The following SLC24A3 variants were observed in gnomAD, a reference collection of about 807,000 sequenced individuals.
The protein encoded by SLC24A3 is sodium/potassium/calcium exchanger 3.
Under a neutral mutation model 75.8 loss-of-function variants are expected in SLC24A3, and 28 were observed. The observed-to-expected ratio is 0.37, with a 90% CI of 0.27 to 0.51. The LOEUF (loss-of-function observed/expected upper bound fraction) is 0.51, where lower values mean the gene tolerates loss of function less well. SLC24A3 is among the 20% of genes least tolerant of loss of function. SLC24A3 has a pLI of 0.94. For synonymous variants in SLC24A3, 372 were observed against 334.1 expected (o/e 1.11, Z -1.24); for missense variants, 663 against 847.8 (o/e 0.78, Z 2.71).
intron 2 of SLC24A3, among the ~76,000 whole-genome samples, chr20:19,475,367 C>G (rs1050674059): frequency 6.6e-6 from 1 of 151,822 alleles, no homozygotes; most frequent in Admixed American, 6.6e-5. Context: ...ACATCCAAGG[C>G]AGAGAATGGC....
intron 2 of SLC24A3, among the ~76,000 whole-genome samples, chr20:19,328,647 G>A (rs1251560602): frequency 1.3e-5 from 2 of 152,166 alleles, no homozygotes; most frequent in Non-Finnish European, 2.9e-5. Flanking sequence ...GGGGCGGGTG[G>A]AGTGAGCTTC....
intron 2 of SLC24A3, among the ~76,000 whole-genome samples, chr20:19,314,537 A>G (rs1568586697): frequency 6.6e-6 from 1 of 151,572 alleles, no homozygotes; most frequent in Non-Finnish European, 1.5e-5. Flanking sequence ...CTGTTCTCAT[A>G]CTCTCGGGCT....
intron 10 of SLC24A3, 24 bp from the exon 11 acceptor site, chr20:19,684,152 A>G (rs951489910): frequency 6.2e-7 from 1 of 1,609,416 alleles, no homozygotes; most frequent in Non-Finnish European, 8.5e-7. Flanking sequence ...ATGTTATTTT[A>G]CCTTATGTTT....
At chr20:19,241,925 C>A (rs1277569445) in intron 1 of SLC24A3, among the ~76,000 whole-genome samples, 1 of 152,176 alleles carries the variant, frequency 6.6e-6, no homozygotes, top group African/African-American at 2.4e-5. Flanking sequence ...TGTAGAAATG[C>A]TGAATAATAA....
At chr20:19,507,966 C>T (rs1438703513) in intron 2 of SLC24A3, among the ~76,000 whole-genome samples, 2 of 152,146 alleles carry the variant, frequency 1.3e-5, no homozygotes, top group East Asian at 3.9e-4. Context: ...GGCTCCTGTC[C>T]TCAGGGAGCT....
At chr20:19,673,513 G>A (rs1052047536) in intron 8 of SLC24A3, 88 bp from the exon 9 acceptor site, 50 of 1,154,158 alleles carry the variant, frequency 4.3e-5, no homozygotes, top group East Asian at 3.0e-4. Flanking sequence ...TATCCTGGCC[G>A]TTTGCATCAA....
intron 2 of SLC24A3, among the ~76,000 whole-genome samples, chr20:19,295,122 C>T (rs998926008): frequency 5.9e-5 from 9 of 152,212 alleles, no homozygotes; most frequent in East Asian, 1.9e-4. Context: ...AGTGTCTGTT[C>T]GTGTCCCTTG....
chr20:19,707,156 A>G (rs1234648657), intron 15 of SLC24A3, among the ~76,000 whole-genome samples: 2 of 152,252 alleles, frequency 1.3e-5, no homozygotes, highest in Non-Finnish European at 1.5e-5. Flanking sequence ...ATTCAGGCTC[A>G]TATCAGGTCA....
intron 15 of SLC24A3, among the ~76,000 whole-genome samples, chr20:19,701,146 G>A (rs892648887): frequency 6.6e-6 from 1 of 152,040 alleles, no homozygotes; most frequent in Non-Finnish European, 1.5e-5. Flanking sequence ...TCTTCTTCAT[G>A]GCACACAGTA....
At chr20:19,600,172 C>T (rs924206539) in intron 6 of SLC24A3, among the ~76,000 whole-genome samples, 1 of 152,062 alleles carries the variant, frequency 6.6e-6, no homozygotes, top group African/African-American at 2.4e-5. Flanking sequence ...GATCTCCCAG[C>T]GCTCCCAGCC....
intron 2 of SLC24A3, among the ~76,000 whole-genome samples, chr20:19,354,570 T>C (rs1985638222): frequency 6.6e-6 from 1 of 150,928 alleles, no homozygotes; most frequent in Non-Finnish European, 1.5e-5. Context: ...AATGGTGGAC[T>C]TCATAAAAAA....
intron 3 of SLC24A3, among the ~76,000 whole-genome samples, chr20:19,531,852 C>T (rs561593419): frequency 1.3e-5 from 2 of 152,132 alleles, no homozygotes; most frequent in Non-Finnish European, 2.9e-5. Flanking sequence ...CAACACGTGG[C>T]TGTTCTGATG....
intron 2 of SLC24A3, among the ~76,000 whole-genome samples, chr20:19,346,383 G>GGT (rs1568595983): frequency 3.9e-5 from 5 of 127,444 alleles, no homozygotes; most frequent in East Asian, 5.5e-4. Flanking sequence ...GTATATATAT[G>GGT]GTATATATAT....
intron 3 of SLC24A3, among the ~76,000 whole-genome samples, chr20:19,529,753 C>A (rs2030263014): frequency 4.6e-5 from 7 of 152,154 alleles, no homozygotes; most frequent in Admixed American, 4.6e-4. Context: ...GGGTACAGCC[C>A]CTTTCTTTGA....
chr20:19,480,698 C>G (rs1057367462), intron 2 of SLC24A3, among the ~76,000 whole-genome samples: 1 of 151,728 alleles, frequency 6.6e-6, no homozygotes, highest in African/African-American at 2.4e-5. Context: ...GAGGGCAACT[C>G]TGTGTGCTGA....
intron 3 of SLC24A3, among the ~76,000 whole-genome samples, chr20:19,543,362 C>T (rs962523135): frequency 6.6e-6 from 1 of 152,184 alleles, no homozygotes; most frequent in Non-Finnish European, 1.5e-5. Context: ...TGTTTTGAAA[C>T]GGCGTGTCAC....
chr20:19,303,442 T>A (rs1984246077), intron 2 of SLC24A3, among the ~76,000 whole-genome samples: 1 of 152,226 alleles, frequency 6.6e-6, no homozygotes. Context: ...TCCATGTCCT[T>A]GCTATTGTGA....
intron 2 of SLC24A3, among the ~76,000 whole-genome samples, chr20:19,470,549 T>C (rs567097835): frequency 1.0e-3 from 153 of 152,268 alleles, no homozygotes; most frequent in Non-Finnish European, 1.8e-3. Context: ...TACGCTGAAC[T>C]TCTCCCCCTC....
At chr20:19,400,244 G>C (rs1986527063) in intron 2 of SLC24A3, among the ~76,000 whole-genome samples, 1 of 152,166 alleles carries the variant, frequency 6.6e-6, no homozygotes, top group Admixed American at 6.5e-5. Context: ...GGATATGTTT[G>C]TATTCTTATA....
Sources: gnomAD v4.1 joint callset for allele counts (sites outside exome capture counted in the v4.1 genomes callset) on GRCh38, gnomAD v4.1.1 for gene constraint, MANE v1.5 for transcripts, NCBI Gene and HGNC (gene_info 2026-07-23, HGNC 2026-07-21) for gene names.